MYO15B: variants seen among roughly 807,000 people sequenced by gnomAD.
MYO15B encodes myosin XVB pseudogene.
Under a neutral mutation model 119.3 loss-of-function variants are expected in MYO15B, and 207 were observed. The observed-to-expected ratio is 1.73, with a 90% CI of 1.55 to 1.95. MYO15B has a LOEUF of 1.95. Among genes scored for constraint, MYO15B ranks in the 30% most tolerant of loss-of-function variants. The probability of loss-of-function intolerance (pLI) is 0.00; values close to 1 mark genes in which losing one functional copy is unlikely to be tolerated. For missense variants in MYO15B, 2,264 were observed against 1,203.1 expected (o/e 1.88, Z -13.04); for synonymous variants, 966 against 498.9 (o/e 1.94, Z -12.48).
chr17:75,607,195 G>GA, intron 21 of MYO15B: 1 of 378,262 alleles, frequency 2.6e-6, no homozygotes, highest in East Asian at 3.7e-5. Context: ...CCCGCAAACA[G>GA]AAACTCTGGA....
Position 75,625,261 on chromosome 17 carries a change from C to T in MYO15B, c.8804+23C>T, listed in dbSNP as rs535997563. 2.3e-4 allele frequency: 160 copies of T among 682,018 alleles called. 2 individuals carry two copies. The South Asian group carries it at 2.4e-3, about 10-fold the overall frequency. The allele number at this position is 682,018 out of a possible 1,614,324, so 42.2% of individuals were successfully genotyped here. On this transcript the variant is annotated intron_variant, in intron 60 of 63. Coordinates refer to ENST00000645453, the Ensembl canonical transcript of MYO15B. ...AGGGTGAGTGGAGGCACCTCCCGCC[C>T]CTAAGCCCCTCCCCTTCTCTAAGGT...
At chr17:75,612,836 G>C (rs959763558) in exon 26 of MYO15B, 1 of 702,808 alleles carries the variant, frequency 1.4e-6, no homozygotes, top group African/African-American at 1.7e-5. Flanking sequence ...CACTGGCGAA[G>C]CCCCTAACCC....
At position 75,623,318 on chromosome 17, in the gene MYO15B, G is replaced by A. The variant is rs562930919; in HGVS notation, c.8083-463G>A. Among the ~76,000 whole-genome samples the A allele has an allele frequency of 2.0e-5, 3 of 150,974 alleles. No individual in the cohort carries two copies. The South Asian group carries it at 6.3e-4, about 32-fold the overall frequency. On this transcript the variant is annotated intron_variant, in intron 53 of 63. Transcript: ENST00000645453. ...CCAGCCTGGGTGACAGGGCAAGACT[G>A]TCTCAAAAAAATAAAAAATAAATGA...
At chr17:75,620,745 T>A in intron 49 of MYO15B, 109 bp downstream of exon 49, 1 of 697,178 alleles carries the variant, frequency 1.4e-6, no homozygotes, top group Middle Eastern at 2.3e-4. Flanking sequence ...CACCCTGCTG[T>A]CCGTCTCCTG....
At chr17:75,617,299 G>A (rs905228227) in exon 41 of MYO15B, 8 of 634,910 alleles carry the variant, frequency 1.3e-5, no homozygotes, top group African/African-American at 3.7e-5. Flanking sequence ...TCAGCAGAGC[G>A]TCGTTGTAAG....
At chr17:75,619,271 T>C in intron 44 of MYO15B, 53 bp downstream of exon 44, 9 of 702,690 alleles carry the variant, frequency 1.3e-5, no homozygotes, top group South Asian at 1.2e-4. Flanking sequence ...GGGCCGCGCC[T>C]GCCCTGAAGG....
intron 9 of MYO15B, among the ~76,000 whole-genome samples, chr17:75,594,116 A>G (rs534590998): frequency 6.7e-6 from 1 of 150,008 alleles, no homozygotes; most frequent in South Asian, 2.1e-4. Context: ...AAAAAAAAAA[A>G]TCAAACGAGC....
rs995593124 is a variant in MYO15B at position 75,603,127 on chromosome 17, C to T, written c.3891+50C>T. On this transcript the variant is annotated intron_variant, in intron 18 of 63. Transcript: ENST00000645453. ...AGGGCCCTCCCCCTCCCTGCACCTC[C>T]CTCCCCACAGCTCTAGGCCCCTTGA... is the stretch of plus-strand genomic sequence containing the variant. The T allele has an allele frequency of 4.3e-6, 3 of 703,108 alleles. No homozygotes were observed. In the African/African-American group the frequency reaches 5.2e-5, roughly 12 times the overall value. 43.6% of individuals were successfully genotyped at this position (703,108 alleles called of 1,614,324 possible).
At position 75,595,525 on chromosome 17, in the gene MYO15B, C is replaced by G. The variant is rs1012469464; in HGVS notation, c.3297+553C>G. Among the ~76,000 whole-genome samples, 4 of 152,196 alleles carry G rather than the reference C, an allele frequency of 2.6e-5. 1 individual carries two copies. The highest frequency in any genetic ancestry group is 2.0e-4 in the Admixed American group (3 of 15,272). The stretch of plus-strand genomic sequence containing the variant: ...ATGAACCTTTCTGAGGTCCAGCGTT[C>G]CCGTCTGTAAAACAGAATTCCCAGC... On this transcript the variant is annotated intron_variant, in intron 12 of 63. Transcript: ENST00000645453.
At chr17:75,612,633 C>T (rs1460364033) in intron 25 of MYO15B, among the ~76,000 whole-genome samples, 165 bp from the exon 26 acceptor site, 1 of 151,150 alleles carries the variant, frequency 6.6e-6, no homozygotes, top group Non-Finnish European at 1.5e-5. Context: ...CCACTGCACT[C>T]CAGCCTGGGC....
intron 30 of MYO15B, 27 bp downstream of exon 30, chr17:75,614,387 C>T (rs1410040993): frequency 2.9e-6 from 2 of 697,576 alleles, no homozygotes; most frequent in Non-Finnish European, 5.2e-6. Context: ...ACCCCTCTCC[C>T]TGGCCTGCTC....
chr17:75,603,205 C>T lies in MYO15B; in HGVS notation c.3909C>T (p.Asp1303=), dbSNP rs535991619. 196 of 703,092 alleles carry T rather than the reference C, an allele frequency of 2.8e-4. 2 individuals carry two copies. The highest frequency in any genetic ancestry group is 6.9e-4 in the Middle Eastern group (3 of 4,370). 43.6% of individuals were successfully genotyped at this position (703,092 alleles called of 1,614,324 possible). Residue 1303 remains aspartate, a synonymous_variant, in exon 19 of 64, where the codon GAC becomes GAT. Coordinates refer to ENST00000645453, the Ensembl canonical transcript of MYO15B. ...GGCCACAGCTTCCAGGCCTCTTTGA[C>T]GTGGGACATGTGACAGAGCAACTGC...
chr17:75,620,964 G>T, intron 49 of MYO15B, 67 bp from the exon 50 acceptor site: 2 of 702,866 alleles, frequency 2.8e-6, no homozygotes, highest in Non-Finnish European at 2.6e-6. Context: ...GAGGGATGGG[G>T]CTGGGGCAGG....
intron 43 of MYO15B, 191 bp from the exon 44 acceptor site, chr17:75,618,952 G>C: frequency 1.7e-6 from 1 of 602,514 alleles, no homozygotes; most frequent in East Asian, 2.8e-5. Context: ...CAGGTGAGAC[G>C]TGTGAATGGA....
At chr17:75,624,183 C>T (rs892767842) in exon 56 of MYO15B, 17 of 702,822 alleles carry the variant, frequency 2.4e-5, no homozygotes, top group Admixed American at 4.0e-5. Context: ...AGAGCTGGCC[C>T]GGAGCAGCCA....
chr17:75,614,866 C>A lies in MYO15B; in HGVS notation c.5559+17C>A. On this transcript the variant is annotated intron_variant, in intron 32 of 63. Coordinates refer to ENST00000645453, the Ensembl canonical transcript of MYO15B. ...GGCCTCAGCGTGAGTCGGGCACAGCCCCCAAATGCCCCTGCCCCAACCCCC... is the reference window on the plus strand; with the variant it reads ...GGCCTCAGCGTGAGTCGGGCACAGCACCCAAATGCCCCTGCCCCAACCCCC... The A allele has an allele frequency of 1.4e-6, 1 of 702,870 alleles. No homozygotes were observed. The highest frequency in any genetic ancestry group is 2.6e-6 in the Non-Finnish European group (1 of 385,018). The allele number at this position is 702,870 out of a possible 1,614,324, so 43.5% of individuals were successfully genotyped here.
chr17:75,620,374 G>T lies in MYO15B; in HGVS notation c.7555+17G>T. ...TGGAGCCAGGTATCGCCAGAGGCCG[G>T]CAGGGGCTCACACAGGGAGGGCATC... On this transcript the variant is annotated intron_variant, in intron 48 of 63. Coordinates refer to ENST00000645453, the Ensembl canonical transcript of MYO15B. 1.4e-6 allele frequency: 1 copy of T among 702,910 alleles called. No homozygotes were observed. The highest frequency in any genetic ancestry group is 2.6e-6 in the Non-Finnish European group (1 of 384,992). 43.5% of individuals were successfully genotyped at this position (702,910 alleles called of 1,614,324 possible).
rs761707269 is a variant in MYO15B, at chr17:75,626,392, C to G, written c.9214-15C>G. 4.3e-6 allele frequency: 3 copies of G among 703,092 alleles called. No homozygotes were observed. Among genetic ancestry groups the G allele is most frequent in the Non-Finnish European group, 7.8e-6 (3 of 385,006 alleles). The allele number at this position is 703,092 out of a possible 1,614,324, so 43.6% of individuals were successfully genotyped here. The stretch of plus-strand genomic sequence containing the variant: ...GGCTGGGGAGCCCTCTTGTAACAGG[C>G]CTTTCTCTGGGCAGGCCCAGGAGCT... On this transcript the variant is annotated splice_polypyrimidine_tract_variant and intron_variant, in intron 63 of 63. Coordinates refer to ENST00000645453, the Ensembl canonical transcript of MYO15B.
Position 75,622,027 on chromosome 17 carries a change from C to T in MYO15B, c.8029C>T (p.Gln2677Ter), listed in dbSNP as rs1449359160. The stretch of plus-strand genomic sequence containing the variant: ...AGCCCTGATGCGGTTTATGGGTGAC[C>T]AGTCCAAGCCCCGGGGCAAGGATGA... Residue 2677 changes from glutamine to a stop codon, truncating the protein, a stop_gained, in exon 53 of 64, where the codon CAG (glutamine) becomes TAG (stop). Transcript: ENST00000645453. LOFTEE classifies it high-confidence loss of function. 1.4e-6 allele frequency: 1 copy of T among 703,002 alleles called. No individual in the cohort carries two copies. The highest frequency in any genetic ancestry group is 2.6e-6 in the Non-Finnish European group (1 of 385,006). 43.5% of individuals were successfully genotyped at this position (703,002 alleles called of 1,614,324 possible). A position where few individuals can be genotyped will look rare whatever the true frequency, so the allele number is the denominator to read the frequency against.
Sources: allele counts gnomAD v4.1 joint callset (sites outside exome capture counted in the v4.1 genomes callset), GRCh38; gene constraint gnomAD v4.1.1; transcripts MANE v1.5; gene names NCBI Gene and HGNC (gene_info 2026-07-23, HGNC 2026-07-21).